Variants in ADAMTS18 observed in about 807,000 individuals in gnomAD.
The protein encoded by ADAMTS18 is A disintegrin and metalloproteinase with thrombospondin motifs 18.
A neutral mutation model predicts 165.9 loss-of-function variants in ADAMTS18; 157 were observed. The observed-to-expected ratio is 0.95, with a 90% confidence interval of 0.83 to 1.08. The LOEUF (loss-of-function observed/expected upper bound fraction) is 1.08, where lower values mean the gene tolerates loss of function less well. Among genes scored for constraint, ADAMTS18 ranks in the 50% least tolerant of loss-of-function variants. ADAMTS18 has a pLI of 0.00. For missense variants in ADAMTS18, 2,040 were observed against 1,534.0 expected (o/e 1.33, Z -5.51); for synonymous variants, 782 against 578.2 (o/e 1.35, Z -5.06).
intron 7 of ADAMTS18, among the ~76,000 whole-genome samples, chr16:77,359,628 G>T (rs1269589303): frequency 6.7e-6 from 1 of 150,186 alleles, no homozygotes; most frequent in African/African-American, 2.4e-5. Flanking sequence ...CTATTTTCTT[G>T]CTTTTGTTAC....
At chr16:77,299,829 C>T (rs2055546370) in intron 17 of ADAMTS18, among the ~76,000 whole-genome samples, 1 of 152,172 alleles carries the variant, frequency 6.6e-6, no homozygotes, top group Admixed American at 6.5e-5. Context: ...TTCAGATAGA[C>T]ATCTTAAGTT....
intron 3 of ADAMTS18, among the ~76,000 whole-genome samples, chr16:77,397,781 C>A (rs1000209726): frequency 6.6e-6 from 1 of 152,210 alleles, no homozygotes; most frequent in African/African-American, 2.4e-5. Context: ...CAGATGTTGG[C>A]TTGTCTGGAA....
chr16:77,294,402 T>C (rs991986440), intron 19 of ADAMTS18, among the ~76,000 whole-genome samples: 12 of 152,322 alleles, frequency 7.9e-5, no homozygotes, highest in Middle Eastern at 3.4e-3. Flanking sequence ...TGAGAACCTT[T>C]GCTTTAGAGG....
chr16:77,318,134 G>A (rs1419723036), intron 16 of ADAMTS18, among the ~76,000 whole-genome samples: 4 of 152,160 alleles, frequency 2.6e-5, no homozygotes, highest in African/African-American at 7.2e-5. Flanking sequence ...CTTCCTAATA[G>A]TCAGTTTTCA....
chr16:77,379,380 G>A (rs2056999447), intron 3 of ADAMTS18, among the ~76,000 whole-genome samples: 1 of 152,204 alleles, frequency 6.6e-6, no homozygotes, highest in Non-Finnish European at 1.5e-5. Flanking sequence ...GTAAATGAAT[G>A]GCTATTGCTG....
chr16:77,364,401 A>G lies in ADAMTS18; in HGVS notation c.779-20T>C, dbSNP rs1001515940. 1 of 1,612,334 alleles carries G rather than the reference A, an allele frequency of 6.2e-7. No individual in the cohort carries two copies. Among genetic ancestry groups the G allele is most frequent in the Non-Finnish European group, 8.5e-7 (1 of 1,179,010 alleles). On this transcript the variant is annotated intron_variant, in intron 4 of 22. Transcript: ENST00000282849. ...GAGCATCTACGATGAACAGAAGAGCATTTGGAAGGGATATTAGAGAATATC... is the reference window on the plus strand; with the variant it reads ...GAGCATCTACGATGAACAGAAGAGCGTTTGGAAGGGATATTAGAGAATATC...
intron 10 of ADAMTS18, among the ~76,000 whole-genome samples, chr16:77,344,110 T>C (rs1009164188): frequency 6.8e-6 from 1 of 147,636 alleles, no homozygotes; most frequent in Non-Finnish European, 1.5e-5. Flanking sequence ...ACCAGATGTA[T>C]ATATATATAT....
At chr16:77,429,195 T>C (rs75229093) in intron 3 of ADAMTS18, among the ~76,000 whole-genome samples, 3 of 152,150 alleles carry the variant, frequency 2.0e-5, no homozygotes, top group Non-Finnish European at 1.5e-5. Flanking sequence ...TAAATGCCCA[T>C]CAATGACAGA....
intron 3 of ADAMTS18, among the ~76,000 whole-genome samples, chr16:77,382,918 G>C (rs921541057): frequency 6.6e-6 from 1 of 152,152 alleles, no homozygotes; most frequent in Non-Finnish European, 1.5e-5. Context: ...ATGTCTGGGA[G>C]GAGAAGATCC....
At chr16:77,383,992 T>A (rs1390227503) in intron 3 of ADAMTS18, among the ~76,000 whole-genome samples, 1 of 152,124 alleles carries the variant, frequency 6.6e-6, no homozygotes, top group Non-Finnish European at 1.5e-5. Flanking sequence ...TATCATGACA[T>A]GAGAGTGCCA....
chr16:77,329,929 T>G (rs1441608275), intron 12 of ADAMTS18, among the ~76,000 whole-genome samples: 1 of 152,212 alleles, frequency 6.6e-6, no homozygotes, highest in East Asian at 1.9e-4. Flanking sequence ...TCTGCATCAT[T>G]TATCAAGTCC....
intron 3 of ADAMTS18, among the ~76,000 whole-genome samples, chr16:77,383,887 G>C (rs561549651): frequency 2.0e-5 from 3 of 152,224 alleles, no homozygotes; most frequent in African/African-American, 7.2e-5. Flanking sequence ...TCAATAGGAT[G>C]CTTCAAAGGT....
At chr16:77,434,355 G>A in intron 2 of ADAMTS18, 63 bp downstream of exon 2, 1 of 1,518,640 alleles carries the variant, frequency 6.6e-7, no homozygotes, top group Non-Finnish European at 8.8e-7. Context: ...TTCTCTCTTT[G>A]GGGGAAGGAA....
intron 3 of ADAMTS18, among the ~76,000 whole-genome samples, chr16:77,388,651 C>T (rs949269396): frequency 2.0e-5 from 3 of 152,158 alleles, no homozygotes; most frequent in Non-Finnish European, 4.4e-5. Flanking sequence ...AAATCACTTA[C>T]AATAATGCCT....
chr16:77,407,405 T>C (rs1035660449), intron 3 of ADAMTS18, among the ~76,000 whole-genome samples: 2 of 152,024 alleles, frequency 1.3e-5, no homozygotes, highest in Non-Finnish European at 2.9e-5. Flanking sequence ...AGCCTGTAAA[T>C]TCAATGCAGT....
chr16:77,424,259 G>T (rs528069572), intron 3 of ADAMTS18, among the ~76,000 whole-genome samples: 6 of 152,162 alleles, frequency 3.9e-5, no homozygotes, highest in Non-Finnish European at 5.9e-5. Context: ...ACCTAAGGTT[G>T]GGAGTTCAAG....
intron 3 of ADAMTS18, among the ~76,000 whole-genome samples, chr16:77,370,386 T>C (rs2056859589): frequency 6.6e-6 from 1 of 152,178 alleles, no homozygotes; most frequent in African/African-American, 2.4e-5. Flanking sequence ...AGTAGAGTTG[T>C]AGGACGCAAA....
At position 77,364,397 on chromosome 16, in the gene ADAMTS18, G is replaced by T; in HGVS notation, c.779-16C>A. 6.2e-7 allele frequency: 1 copy of T among 1,612,826 alleles called. No individual in the cohort carries two copies. Among genetic ancestry groups the T allele is most frequent in the Non-Finnish European group, 8.5e-7 (1 of 1,179,446 alleles). On this transcript the variant is annotated splice_polypyrimidine_tract_variant and intron_variant, in intron 4 of 22. Coordinates refer to ENST00000282849, the MANE Select transcript of ADAMTS18 (RefSeq NM_199355.4). ...TTGGGAGCATCTACGATGAACAGAA[G>T]AGCATTTGGAAGGGATATTAGAGAA...
intron 16 of ADAMTS18, among the ~76,000 whole-genome samples, chr16:77,312,922 G>A (rs1039986135): frequency 9.2e-5 from 14 of 152,128 alleles, no homozygotes; most frequent in Non-Finnish European, 2.1e-4. Flanking sequence ...AATACCATTT[G>A]ACCCCGCAAT....
Sources: gnomAD v4.1 joint callset for allele counts (sites outside exome capture counted in the v4.1 genomes callset) on GRCh38, gnomAD v4.1.1 for gene constraint, MANE v1.5 for transcripts, NCBI Gene and HGNC (gene_info 2026-07-23, HGNC 2026-07-21) for gene names.